Variants in CDH18 observed in about 807,000 individuals in gnomAD.
CDH18 encodes cadherin-18.
CDH18 carries 31 observed loss-of-function variants against 67.9 expected under a neutral mutation model. That is an observed-to-expected ratio of 0.46 (90% CI 0.34 to 0.62). CDH18 has a LOEUF of 0.62. Among genes scored for constraint, CDH18 ranks in the 20% least tolerant of loss-of-function variants. CDH18 has a pLI of 0.01. For missense variants in CDH18, 890 were observed against 975.5 expected (o/e 0.91, Z 1.17); for synonymous variants, 362 against 347.2 (o/e 1.04, Z -0.48).
intron 5 of CDH18, among the ~76,000 whole-genome samples, chr5:19,658,236 A>G (rs1756668245): frequency 6.6e-6 from 1 of 152,124 alleles, no homozygotes; most frequent in South Asian, 2.1e-4. Context: ...CTAAAAAGAC[A>G]ATGATCTTTC....
intron 4 of CDH18, among the ~76,000 whole-genome samples, chr5:19,726,256 A>C (rs1766826671): frequency 6.6e-6 from 1 of 152,224 alleles, no homozygotes; most frequent in African/African-American, 2.4e-5. Flanking sequence ...TTAAAGTAAC[A>C]AAGGAAACTT....
At chr5:20,395,089 G>A (rs764346484) in intron 1 of CDH18, among the ~76,000 whole-genome samples, 1 of 151,940 alleles carries the variant, frequency 6.6e-6, no homozygotes, top group Admixed American at 6.6e-5. Flanking sequence ...TCTATGACTG[G>A]GTATCTACCC....
intron 5 of CDH18, among the ~76,000 whole-genome samples, chr5:19,698,561 T>C (rs1022476692): frequency 6.6e-6 from 1 of 151,808 alleles, no homozygotes; most frequent in Non-Finnish European, 1.5e-5. Context: ...AACTTTAAAA[T>C]CACAATAAGT....
chr5:20,412,564 T>C (rs974844602), intron 1 of CDH18, among the ~76,000 whole-genome samples: 7 of 152,080 alleles, frequency 4.6e-5, no homozygotes, highest in Non-Finnish European at 7.4e-5. Context: ...ACTGGCAACC[T>C]ACAGAATGGA....
chr5:19,619,717 G>A (rs1349262437), intron 5 of CDH18, among the ~76,000 whole-genome samples: 1 of 152,148 alleles, frequency 6.6e-6, no homozygotes, highest in Non-Finnish European at 1.5e-5. Flanking sequence ...CTGCCCTTGT[G>A]GAAAGTCAAG....
At chr5:19,623,460 C>T (rs527664040) in intron 5 of CDH18, among the ~76,000 whole-genome samples, 40 of 152,090 alleles carry the variant, frequency 2.6e-4, no homozygotes, top group African/African-American at 9.2e-4. Flanking sequence ...GTATGATTTC[C>T]CAAAATAGCT....
chr5:19,701,057 T>TA (rs541166556), intron 5 of CDH18, among the ~76,000 whole-genome samples: 23 of 151,456 alleles, frequency 1.5e-4, no homozygotes, highest in Middle Eastern at 3.4e-3. Flanking sequence ...TTGTAAATGA[T>TA]AAAAAAAAAT....
intron 2 of CDH18, among the ~76,000 whole-genome samples, chr5:20,046,916 G>A (rs1259680352): frequency 6.6e-6 from 1 of 151,742 alleles, no homozygotes; most frequent in Non-Finnish European, 1.5e-5. Flanking sequence ...TTTGCCGTAA[G>A]GCGAGAGCAG....
intron 6 of CDH18, among the ~76,000 whole-genome samples, 194 bp downstream of exon 6, chr5:19,612,240 C>T (rs189485474): frequency 8.5e-5 from 13 of 152,108 alleles, no homozygotes; most frequent in Admixed American, 7.9e-4. Context: ...GAACACATTC[C>T]CAATTATTTC....
At chr5:20,262,794 G>A (rs1316281550) in intron 1 of CDH18, among the ~76,000 whole-genome samples, 1 of 151,686 alleles carries the variant, frequency 6.6e-6, no homozygotes, top group African/African-American at 2.4e-5. Flanking sequence ...ATTAAAAATC[G>A]ATCAGTTAAG....
intron 4 of CDH18, among the ~76,000 whole-genome samples, chr5:19,724,767 G>A (rs550673758): frequency 6.6e-6 from 1 of 152,118 alleles, no homozygotes; most frequent in Non-Finnish European, 1.5e-5. Context: ...TTCTTAGAGA[G>A]GTAGTTTGGG....
At chr5:20,001,101 A>G (rs541976924) in intron 2 of CDH18, among the ~76,000 whole-genome samples, 11 of 152,310 alleles carry the variant, frequency 7.2e-5, no homozygotes, top group African/African-American at 2.6e-4. Flanking sequence ...ATTCTACAGC[A>G]TGCAAAATTG....
chr5:20,529,229 T>G (rs2471133), intron 1 of CDH18, among the ~76,000 whole-genome samples: 60,036 of 150,934 alleles, frequency 0.4, 13,338 homozygotes, highest in East Asian at 0.56. Context: ...CAATAACAAG[T>G]TCCGAAATTC....
At chr5:20,571,931 C>A (rs13171040) in intron 1 of CDH18, among the ~76,000 whole-genome samples, 21,426 of 151,998 alleles carry the variant, frequency 0.14, 1,624 homozygotes, top group Admixed American at 0.2. Context: ...TAACCCCTAA[C>A]CAAGTCCTGC....
chr5:20,514,592 T>C (rs1249974926), intron 1 of CDH18, among the ~76,000 whole-genome samples: 1 of 152,050 alleles, frequency 6.6e-6, no homozygotes, highest in African/African-American at 2.4e-5. Context: ...AGCTAAGTAA[T>C]GTGCTTGGGT....
rs530512504 is a variant in CDH18 at position 20,198,652 on chromosome 5, G to A, written c.-518+56792C>T. Among the ~76,000 whole-genome samples the A allele has an allele frequency of 6.6e-5, 10 of 152,210 alleles. No individual in the cohort carries two copies. In the South Asian group the frequency reaches 1.5e-3, roughly 22 times the overall value. On this transcript the variant is annotated intron_variant, in intron 2 of 14. Transcript: ENST00000507958. Reference sequence around the variant, plus strand: ...TGCAGAAATTTGCATAAATAACAAGGAGCCATAGGCTAATCACCAAGACTA... The same window carrying A: ...TGCAGAAATTTGCATAAATAACAAGAAGCCATAGGCTAATCACCAAGACTA...
chr5:19,955,002 T>G (rs1423499496), intron 2 of CDH18, among the ~76,000 whole-genome samples: 1 of 152,064 alleles, frequency 6.6e-6, no homozygotes, highest in Non-Finnish European at 1.5e-5. Flanking sequence ...CAGGACCACA[T>G]GGAGATAATT....
intron 10 of CDH18, among the ~76,000 whole-genome samples, chr5:19,512,879 T>A (rs1008874825): frequency 6.6e-6 from 1 of 152,064 alleles, no homozygotes; most frequent in African/African-American, 2.4e-5. Context: ...ACTTATACCT[T>A]TTGATGTTAA....
intron 2 of CDH18, among the ~76,000 whole-genome samples, chr5:20,019,039 C>T (rs185577538): frequency 0.038 from 5,457 of 142,840 alleles, 546 homozygotes; most frequent in African/African-American, 0.14. Flanking sequence ...CCTCGTGATC[C>T]GCCCATCTCG....
Sources: allele counts gnomAD v4.1 joint callset (sites outside exome capture counted in the v4.1 genomes callset), GRCh38; gene constraint gnomAD v4.1.1; transcripts MANE v1.5; gene names NCBI Gene and HGNC (gene_info 2026-07-23, HGNC 2026-07-21).